Variants in TTC8 observed in about 807,000 individuals in gnomAD.
The protein encoded by TTC8 is tetratricopeptide repeat protein 8.
Under a neutral mutation model 72.5 loss-of-function variants are expected in TTC8, and 47 were observed. That is an observed-to-expected ratio of 0.65 (90% confidence interval 0.51 to 0.83). The LOEUF (loss-of-function observed/expected upper bound fraction) is 0.83. Ranked by LOEUF, TTC8 falls within the 40% of genes least tolerant of loss-of-function variation. The pLI, the probability that TTC8 is intolerant of heterozygous loss-of-function variation, is 0.00. For missense variants in TTC8, 611 were observed against 623.2 expected (o/e 0.98, Z 0.21); for synonymous variants, 199 against 221.4 (o/e 0.90, Z 0.90).
At chr14:88,853,373 A>G (rs138975793) in intron 8 of TTC8, among the ~76,000 whole-genome samples, 35 of 152,286 alleles carry the variant, frequency 2.3e-4, no homozygotes, top group African/African-American at 8.2e-4. Flanking sequence ...AGGGACTAGA[A>G]CCAAGTCTGC....
intron 2 of TTC8, among the ~76,000 whole-genome samples, chr14:88,835,978 A>G (rs1488118276): frequency 1.3e-5 from 2 of 152,164 alleles, no homozygotes; most frequent in Non-Finnish European, 1.5e-5. Flanking sequence ...TGTGATTTTC[A>G]AGGTCATTTT....
chr14:88,850,892 G>T (rs1046173310), intron 7 of TTC8, among the ~76,000 whole-genome samples: 2 of 152,226 alleles, frequency 1.3e-5, no homozygotes, highest in African/African-American at 4.8e-5. Context: ...TTTCAGGAAA[G>T]TATGGGAATT....
At chr14:88,851,403 G>C (rs2094833070) in intron 7 of TTC8, among the ~76,000 whole-genome samples, 1 of 152,140 alleles carries the variant, frequency 6.6e-6, no homozygotes, top group Non-Finnish European at 1.5e-5. Context: ...AGCAAAACCA[G>C]CAACCTGTAA....
At chr14:88,858,981 A>G (rs1294306768) in intron 9 of TTC8, among the ~76,000 whole-genome samples, 1 of 151,948 alleles carries the variant, frequency 6.6e-6, no homozygotes, top group African/African-American at 2.4e-5. Flanking sequence ...CTCAAGTCAC[A>G]CTATTTGACT....
At chr14:88,865,623 G>A (rs552891027) in intron 10 of TTC8, among the ~76,000 whole-genome samples, 8 of 152,200 alleles carry the variant, frequency 5.3e-5, no homozygotes, top group African/African-American at 1.4e-4. Context: ...AGCCAAGATC[G>A]TGCCATTGCA....
chr14:88,846,950 T>C, intron 7 of TTC8: 1 of 222,732 alleles, frequency 4.5e-6, no homozygotes, highest in Non-Finnish European at 8.8e-6. Context: ...ACTTAGAACA[T>C]ATCCATCAGC....
At chr14:88,872,593 T>C in intron 13 of TTC8, 141 bp downstream of exon 13, 1 of 1,222,088 alleles carries the variant, frequency 8.2e-7, no homozygotes, top group Non-Finnish European at 1.2e-6. Context: ...AGCTCTGTTG[T>C]GTATTAGCTG....
At chr14:88,875,177 C>A in intron 14 of TTC8, 68 bp downstream of exon 14, 1 of 1,363,064 alleles carries the variant, frequency 7.3e-7, no homozygotes, top group Non-Finnish European at 1.0e-6. Flanking sequence ...AAAAAAAGTA[C>A]AAATAAATGA....
intron 7 of TTC8, among the ~76,000 whole-genome samples, chr14:88,850,615 C>T (rs986439186): frequency 6.6e-6 from 1 of 152,246 alleles, no homozygotes; most frequent in African/African-American, 2.4e-5. Flanking sequence ...ATTGCTTGAG[C>T]CTGGGAGGTG....
chr14:88,862,736 A>G (rs1002194014), intron 10 of TTC8, among the ~76,000 whole-genome samples: 3 of 148,042 alleles, frequency 2.0e-5, no homozygotes, highest in Admixed American at 6.7e-5. Context: ...TTGTGCCCCC[A>G]TGTCCAGCTA....
intron 10 of TTC8, among the ~76,000 whole-genome samples, chr14:88,869,748 G>A (rs1315346501): frequency 6.6e-6 from 1 of 152,040 alleles, no homozygotes; most frequent in African/African-American, 2.4e-5. Context: ...CTCCTCCAAA[G>A]TGGCCCCTTC....
chr14:88,831,011 C>G, intron 1 of TTC8: 1 of 432,464 alleles, frequency 2.3e-6, no homozygotes, highest in South Asian at 1.6e-5. Flanking sequence ...TGTCTAGGTT[C>G]AAATACTGCC....
chr14:88,844,692 G>T (rs982065174), intron 7 of TTC8, among the ~76,000 whole-genome samples: 2 of 151,568 alleles, frequency 1.3e-5, no homozygotes, highest in Admixed American at 6.6e-5. Context: ...CTATAGGCGT[G>T]TGCCACCATG....
chr14:88,857,360 G>T, intron 9 of TTC8, 83 bp downstream of exon 9: 1 of 1,170,156 alleles, frequency 8.5e-7, no homozygotes, highest in African/African-American at 1.5e-5. Context: ...AGAGTAAACA[G>T]CTTCTTCAGG....
At position 88,871,658 on chromosome 14, in the gene TTC8, C is replaced by T. The variant is rs1482492337; in HGVS notation, c.1159C>T (p.Leu387Phe). ...DMTLTSFERALSLAENEEEAA... is the reference protein window; with the variant it reads ...DMTLTSFERAFSLAENEEEAA... Reference sequence around the variant, plus strand: ...GACTCTGACCTCATTTGAACGTGCCCTTTCTTTGGCTGAAAATGAAGAAGA... The same window carrying T: ...GACTCTGACCTCATTTGAACGTGCCTTTTCTTTGGCTGAAAATGAAGAAGA... The change falls in exon 12 of 15, where the codon CTT (leucine) becomes TTT (phenylalanine). Residue 387 changes from leucine to phenylalanine, a missense_variant. Transcript: ENST00000380656. The surrounding 1 kb of genome is among the most constrained non-coding windows in gnomAD (Gnocchi z 4.1). 1.9e-6 allele frequency: 3 copies of T among 1,614,098 alleles called. No individual in the cohort carries two copies. Among genetic ancestry groups the T allele is most frequent in the Non-Finnish European group, 2.5e-6 (3 of 1,180,010 alleles).
At chr14:88,859,044 A>G (rs2094871029) in intron 9 of TTC8, among the ~76,000 whole-genome samples, 1 of 151,646 alleles carries the variant, frequency 6.6e-6, no homozygotes, top group Non-Finnish European at 1.5e-5. Context: ...TTTTTATTTA[A>G]CTCTTGTTAA....
At chr14:88,873,126 G>A (rs977827604) in intron 13 of TTC8, among the ~76,000 whole-genome samples, 2 of 152,246 alleles carry the variant, frequency 1.3e-5, no homozygotes, top group Non-Finnish European at 2.9e-5. Context: ...ACTTGAAACC[G>A]TGACTATGGC....
intron 1 of TTC8, chr14:88,830,974 C>G (rs758488477): frequency 1.1e-5 from 5 of 454,666 alleles, no homozygotes; most frequent in Admixed American, 9.5e-5. Flanking sequence ...CCCACATACT[C>G]AGCAGAGTCC....
intron 3 of TTC8, 143 bp from the exon 4 acceptor site, chr14:88,840,722 C>T: frequency 5.0e-6 from 4 of 803,876 alleles, no homozygotes; most frequent in Non-Finnish European, 6.3e-6. Context: ...AAATATTAGT[C>T]TAAAACACAT....
Sources: allele counts gnomAD v4.1 joint callset (sites outside exome capture counted in the v4.1 genomes callset), GRCh38; gene constraint gnomAD v4.1.1; non-coding constraint Gnocchi (gnomAD v3.1); transcripts MANE v1.5; gene names NCBI Gene and HGNC (gene_info 2026-07-23, HGNC 2026-07-21).